TNIP1: variants seen among roughly 807,000 people sequenced by gnomAD.
TNIP1 encodes TNFAIP3 interacting protein 1.
A neutral mutation model predicts 86.6 loss-of-function variants in TNIP1; 22 were observed. The observed-to-expected ratio is 0.25, with a 90% CI of 0.18 to 0.36. TNIP1 has a LOEUF of 0.36. Ranked by LOEUF, TNIP1 falls within the 10% of genes least tolerant of loss-of-function variation. The pLI is 1.00. For missense variants in TNIP1, 709 were observed against 820.6 expected (o/e 0.86, Z 1.66); for synonymous variants, 294 against 313.0 (o/e 0.94, Z 0.64).
At chr5:151,034,022 TG>T (rs1757297288) in intron 15 of TNIP1, among the ~76,000 whole-genome samples, 1 of 151,950 alleles carries the variant, frequency 6.6e-6, no homozygotes, top group African/African-American at 2.4e-5. Flanking sequence ...CATGGAAGGC[TG>T]GGTACACATG....
At chr5:151,062,017 C>T (rs1761631500) in intron 4 of TNIP1, 110 bp downstream of exon 4, 7 of 988,742 alleles carry the variant, frequency 7.1e-6, no homozygotes, top group Middle Eastern at 2.1e-4. Flanking sequence ...CCCAGCGAGA[C>T]GGAACACAGT....
intron 1 of TNIP1, among the ~76,000 whole-genome samples, chr5:151,075,530 C>A (rs921114364): frequency 6.6e-6 from 1 of 152,300 alleles, no homozygotes; most frequent in East Asian, 1.9e-4. Context: ...CTACTGTTGC[C>A]ATCTTTATGT....
At chr5:151,056,232 C>T (rs1448244517) in intron 6 of TNIP1, among the ~76,000 whole-genome samples, 1 of 152,172 alleles carries the variant, frequency 6.6e-6, no homozygotes, top group Non-Finnish European at 1.5e-5. Flanking sequence ...CTGTCCATTC[C>T]CCACAGCACA....
chr5:151,031,785 T>C (rs937985788), intron 17 of TNIP1, among the ~76,000 whole-genome samples: 3 of 152,160 alleles, frequency 2.0e-5, no homozygotes, highest in African/African-American at 7.2e-5. Context: ...CCACGGCCTC[T>C]GCATTTGTCA....
intron 1 of TNIP1, among the ~76,000 whole-genome samples, chr5:151,072,139 G>C (rs998386878): frequency 2.6e-5 from 4 of 152,192 alleles, no homozygotes; most frequent in Non-Finnish European, 5.9e-5. Flanking sequence ...AACAAATAAT[G>C]CAGCCTCAAT....
intron 9 of TNIP1, 51 bp downstream of exon 9, chr5:151,045,810 G>A (rs1759082017): frequency 6.3e-7 from 1 of 1,582,934 alleles, no homozygotes; most frequent in Non-Finnish European, 8.7e-7. Context: ...TGTGCTGCTG[G>A]TCCCGGGAGG....
chr5:151,042,308 A>G (rs1333430545), intron 11 of TNIP1, among the ~76,000 whole-genome samples: 3 of 152,178 alleles, frequency 2.0e-5, no homozygotes, highest in African/African-American at 7.2e-5. Flanking sequence ...TGGAACAAAA[A>G]GTTCTGAATA....
At chr5:151,065,262 A>C in intron 1 of TNIP1, 131 bp from the exon 2 acceptor site, 1 of 720,460 alleles carries the variant, frequency 1.4e-6, no homozygotes, top group Non-Finnish European at 2.2e-6. Context: ...TATTATAGTA[A>C]AGCAGGACAG....
intron 5 of TNIP1, among the ~76,000 whole-genome samples, chr5:151,059,810 A>G (rs1288303753): frequency 6.1e-5 from 7 of 114,644 alleles, no homozygotes; most frequent in African/African-American, 3.0e-4. Context: ...AGAGAGAGAG[A>G]GAGAGAGAGA....
chr5:151,029,958 A>G lies in TNIP1; in HGVS notation c.*755T>C. On this transcript the variant is annotated 3_prime_UTR_variant, in exon 18 of 18. Coordinates refer to ENST00000521591, the MANE Select transcript of TNIP1 (RefSeq NM_006058.5). ...TGAGTCAGAATGTTGATCTTCTTCA[A>G]CTTGGATTTATGTCCATGATTCGTG... is the stretch of plus-strand genomic sequence containing the variant. 1 of 421,906 alleles carries G rather than the reference A, an allele frequency of 2.4e-6. No individual in the cohort carries two copies. The highest frequency in any genetic ancestry group is 4.9e-6 in the Non-Finnish European group (1 of 202,486). 26.1% of individuals were successfully genotyped at this position (421,906 alleles called of 1,614,324 possible).
chr5:151,053,101 C>CTTTT (rs11390788), intron 6 of TNIP1, among the ~76,000 whole-genome samples: 4 of 85,228 alleles, frequency 4.7e-5, no homozygotes, highest in Non-Finnish European at 6.5e-5. Flanking sequence ...AACTGTTTCT[C>CTTTT]TTTTTTTTTT....
chr5:151,042,782 T>C, intron 10 of TNIP1, 111 bp from the exon 11 acceptor site: 1 of 1,596,162 alleles, frequency 6.3e-7, no homozygotes, highest in Non-Finnish European at 8.5e-7. Context: ...CAACTTCTCC[T>C]CTGGGCCATA....
intron 7 of TNIP1, among the ~76,000 whole-genome samples, 172 bp from the exon 8 acceptor site, chr5:151,050,119 C>G (rs528664852): frequency 6.6e-6 from 1 of 152,212 alleles, no homozygotes; most frequent in Non-Finnish European, 1.5e-5. Flanking sequence ...CTACCTTGCT[C>G]TCAATCTGTG....
Position 151,041,071 on chromosome 5 carries a change from C to CTT in TNIP1, c.1134+1467_1134+1468dup, listed in dbSNP as rs397944698. 1.7e-3 allele frequency among the ~76,000 whole-genome samples: 238 copies of CTT among 139,458 alleles called. 5 individuals carry two copies. In the East Asian group the frequency reaches 0.018, roughly 10 times the overall value. The allele number at this position is 139,458 out of a possible 152,430, so 91.5% of individuals were successfully genotyped here. The stretch of plus-strand genomic sequence containing the variant: ...TCTCTGTAACTTCTTCTTCGTAGTA[C>CTT]TTTTTTTTTTTTTTTTTGAGACAGG... On this transcript the variant is annotated intron_variant, in intron 11 of 17. Transcript: ENST00000521591.
intron 1 of TNIP1, 134 bp from the exon 2 acceptor site, chr5:151,065,265 C>A: frequency 1.4e-6 from 1 of 699,600 alleles, no homozygotes; most frequent in Non-Finnish European, 2.3e-6. Context: ...TATAGTAAAG[C>A]AGGACAGTCA....
chr5:151,030,409 C>T lies in TNIP1; in HGVS notation c.*304G>A, dbSNP rs1756742450. On this transcript the variant is annotated 3_prime_UTR_variant, in exon 18 of 18. Coordinates refer to ENST00000521591, the MANE Select transcript of TNIP1 (RefSeq NM_006058.5). ...CTGCCTCCCACTCTTAGGATTGCTG[C>T]TCCTGGAGGCTTCTGCAACGGATGG... 2 of 518,234 alleles carry T rather than the reference C, an allele frequency of 3.9e-6. No individual in the cohort carries two copies. The highest frequency in any genetic ancestry group is 7.0e-6 in the Non-Finnish European group (2 of 285,230). The allele number at this position is 518,234 out of a possible 1,614,324, so 32.1% of individuals were successfully genotyped here.
chr5:151,037,743 C>T (rs1038945398), intron 12 of TNIP1, among the ~76,000 whole-genome samples: 6 of 152,184 alleles, frequency 3.9e-5, no homozygotes, highest in South Asian at 2.1e-4. Flanking sequence ...AGGACAGCAT[C>T]GCCCATGGGC....
intron 12 of TNIP1, chr5:151,037,550 C>G (rs911957852): frequency 1.3e-5 from 2 of 152,180 alleles, no homozygotes; most frequent in African/African-American, 4.8e-5. Flanking sequence ...GAAATATCAT[C>G]AAATAACATT....
At chr5:151,034,870 T>C (rs1757493204) in intron 15 of TNIP1, 132 bp downstream of exon 15, 1 of 936,624 alleles carries the variant, frequency 1.1e-6, no homozygotes, top group Admixed American at 2.1e-5. Flanking sequence ...TCTAAGGCTT[T>C]TCCTGTATTA....
Sources: gnomAD v4.1 joint callset for allele counts (sites outside exome capture counted in the v4.1 genomes callset) on GRCh38, gnomAD v4.1.1 for gene constraint, MANE v1.5 for transcripts, NCBI Gene and HGNC (gene_info 2026-07-23, HGNC 2026-07-21) for gene names.